The following PCDH15 variants were observed in gnomAD, a reference collection of about 807,000 sequenced individuals.
PCDH15 encodes protocadherin related 15, also known as protocadherin-15.
PCDH15 carries 129 observed loss-of-function variants against 178.5 expected under a neutral mutation model. The observed-to-expected ratio is 0.72, with a 90% CI of 0.63 to 0.84. The LOEUF (loss-of-function observed/expected upper bound fraction) is 0.84. PCDH15 is among the 40% of genes least tolerant of loss of function. The pLI is 0.00. For missense variants in PCDH15, 2,230 were observed against 2,099.9 expected (o/e 1.06, Z -1.21); for synonymous variants, 800 against 732.0 (o/e 1.09, Z -1.50).
intron 2 of PCDH15, among the ~76,000 whole-genome samples, chr10:55,462,572 T>C (rs1379980429): frequency 1.3e-5 from 2 of 151,102 alleles, no homozygotes; most frequent in African/African-American, 4.9e-5. Context: ...TGCTAAACAG[T>C]ATGAATCCAA....
chr10:55,077,411 CTT>C (rs1841925986), intron 2 of PCDH15, among the ~76,000 whole-genome samples: 15 of 55,488 alleles, frequency 2.7e-4, no homozygotes, highest in Admixed American at 1.5e-3. Context: ...TCCTTCCTTC[CTT>C]CCTTCCTTCC....
chr10:54,303,355 C>T (rs1003359212), intron 8 of PCDH15, among the ~76,000 whole-genome samples: 1 of 151,816 alleles, frequency 6.6e-6, no homozygotes, highest in East Asian at 1.9e-4. Flanking sequence ...CCAATTATCA[C>T]AATTGTTTCA....
intron 2 of PCDH15, among the ~76,000 whole-genome samples, chr10:55,386,009 A>C (rs1352733702): frequency 6.6e-6 from 1 of 151,802 alleles, no homozygotes; most frequent in Non-Finnish European, 1.5e-5. Context: ...ATATATTAAC[A>C]ATGACAGTGA....
At chr10:55,076,399 A>T (rs1198783116) in intron 2 of PCDH15, among the ~76,000 whole-genome samples, 1 of 149,460 alleles carries the variant, frequency 6.7e-6, no homozygotes, top group East Asian at 1.9e-4. Context: ...TGTTGAGTAC[A>T]TATATATTTA....
intron 15 of PCDH15, among the ~76,000 whole-genome samples, chr10:54,103,964 G>A (rs1377849963): frequency 2.6e-5 from 4 of 152,116 alleles, no homozygotes; most frequent in African/African-American, 9.7e-5. Context: ...TTCTTTTCAA[G>A]TGTAGCACAC....
intron 2 of PCDH15, among the ~76,000 whole-genome samples, chr10:55,068,668 A>G (rs899805269): frequency 6.6e-6 from 1 of 152,018 alleles, no homozygotes. Flanking sequence ...TTAAATCTAT[A>G]TATTTCTTGG....
chr10:54,630,723 A>G (rs1040218856), intron 2 of PCDH15, among the ~76,000 whole-genome samples: 1 of 152,212 alleles, frequency 6.6e-6, no homozygotes, highest in African/African-American at 2.4e-5. Context: ...CAGATAACCT[A>G]TGGAATGGAA....
chr10:54,096,538 CA>C (rs2094702937), intron 15 of PCDH15, among the ~76,000 whole-genome samples: 1 of 152,098 alleles, frequency 6.6e-6, no homozygotes, highest in South Asian at 2.1e-4. Flanking sequence ...CTAATGACTT[CA>C]AAATTGTATT....
At chr10:53,987,274 C>T (rs1589778159) in intron 21 of PCDH15, among the ~76,000 whole-genome samples, 1 of 151,892 alleles carries the variant, frequency 6.6e-6, no homozygotes, top group Admixed American at 6.6e-5. Context: ...AAACTTTTGA[C>T]CCAAGACTCT....
intron 2 of PCDH15, among the ~76,000 whole-genome samples, chr10:55,383,729 T>C (rs1837590471): frequency 6.6e-6 from 1 of 152,148 alleles, no homozygotes; most frequent in Non-Finnish European, 1.5e-5. Context: ...TTGCCTTGAA[T>C]TGCTTTTTAT....
chr10:54,094,369 G>A (rs531610377), intron 15 of PCDH15, among the ~76,000 whole-genome samples: 8 of 152,284 alleles, frequency 5.3e-5, no homozygotes, highest in Non-Finnish European at 1.2e-4. Context: ...GGAGAGCAGG[G>A]TGAGGATTTA....
intron 1 of PCDH15, among the ~76,000 whole-genome samples, chr10:54,739,739 T>A (rs1487362576): frequency 6.6e-6 from 1 of 151,924 alleles, no homozygotes; most frequent in Non-Finnish European, 1.5e-5. Flanking sequence ...CCATGCATTT[T>A]CAGCCAACTC....
chr10:54,059,630 G>A (rs1425641511), intron 18 of PCDH15, among the ~76,000 whole-genome samples: 4 of 152,128 alleles, frequency 2.6e-5, no homozygotes, highest in East Asian at 1.9e-4. Context: ...CAATCTCTGT[G>A]GTATAGAGTA....
At chr10:54,689,437 G>C (rs560971034) in intron 1 of PCDH15, among the ~76,000 whole-genome samples, 2 of 152,070 alleles carry the variant, frequency 1.3e-5, no homozygotes, top group Non-Finnish European at 2.9e-5. Context: ...CGGCTTGAAT[G>C]TTATATAAAA....
chr10:54,972,848 C>CAAA (rs750356955), intron 2 of PCDH15, among the ~76,000 whole-genome samples: 212 of 52,828 alleles, frequency 4.0e-3, no homozygotes, highest in Middle Eastern at 0.018. Flanking sequence ...GACTCCATCT[C>CAAA]AAAAAAAAAA....
chr10:55,546,520 A>G (rs1347533701), intron 2 of PCDH15, among the ~76,000 whole-genome samples: 5 of 152,078 alleles, frequency 3.3e-5, no homozygotes, highest in Admixed American at 3.3e-4. Flanking sequence ...ACAGGGGGCA[A>G]ATGTAAATTC....
rs1389119015 is a variant in PCDH15 at position 54,380,645 on chromosome 10, A to ATATATATATG, written c.158-1704_158-1703insCATATATATA. Among the ~76,000 whole-genome samples the ATATATATATG allele has an allele frequency of 2.0e-3, 158 of 77,188 alleles. 8 individuals are homozygous for ATATATATATG. Among genetic ancestry groups the ATATATATATG allele is most frequent in the African/African-American group, 8.6e-3 (147 of 17,082 alleles). The allele number at this position is 77,188 out of a possible 152,430, so 50.6% of individuals were successfully genotyped here. A position where few individuals can be genotyped will look rare whatever the true frequency, so the allele number is the denominator to read the frequency against. ...ATCTTCTGATTGTGTGTATGCATGTATATATATATATATATATATATATAT... is the reference window on the plus strand; with the variant it reads ...ATCTTCTGATTGTGTGTATGCATGTATATATATATGTATATATATATATATATATATATAT... On this transcript the variant is annotated intron_variant, in intron 3 of 37. Coordinates refer to ENST00000644397, the MANE Select transcript of PCDH15 (RefSeq NM_001384140.1).
At chr10:54,562,982 C>T (rs532299710) in intron 2 of PCDH15, among the ~76,000 whole-genome samples, 21 of 152,004 alleles carry the variant, frequency 1.4e-4, no homozygotes, top group Non-Finnish European at 5.9e-5. Flanking sequence ...AGGAGCAATA[C>T]GGAACACTAT....
intron 1 of PCDH15, among the ~76,000 whole-genome samples, chr10:54,779,462 G>GTGTATATATATACACACATATATA (rs1474628866): frequency 2.6e-5 from 1 of 38,596 alleles, no homozygotes; most frequent in African/African-American, 6.4e-5. Context: ...TCATATATGT[G>GTGTATATATATACACACATATATA]TGTATATATA....
Sources: gnomAD v4.1 joint callset for allele counts (sites outside exome capture counted in the v4.1 genomes callset) on GRCh38, gnomAD v4.1.1 for gene constraint, MANE v1.5 for transcripts, NCBI Gene and HGNC (gene_info 2026-07-23, HGNC 2026-07-21) for gene names.